The following FIGNL2 variants were observed in gnomAD, a reference collection of about 807,000 sequenced individuals.
The protein encoded by FIGNL2 is fidgetin like 2, also known as fidgetin-like protein 2.
For missense variants in FIGNL2, 1,060 were observed against 950.2 expected (o/e 1.12, Z -1.52); for synonymous variants, 565 against 484.0 (o/e 1.17, Z -2.20).
chr12:51,848,041 T>A, intron 1 of FIGNL2: 1 of 815,044 alleles, frequency 1.2e-6, no homozygotes, highest in Non-Finnish European at 1.5e-6. Context: ...CCCGTCACCA[T>A]GCTGGGGAAT....
rs1939163487 is a variant in FIGNL2, at chr12:51,820,949, G to A, written c.1465C>T (p.Leu489Phe). Residue 489 changes from leucine to phenylalanine, a missense_variant, in exon 2 of 2, where the codon CTC (leucine) becomes TTC (phenylalanine). Physicochemically the swap from Leu to Phe is conservative, Grantham distance 22. Coordinates refer to ENST00000618634, the MANE Select transcript of FIGNL2 (RefSeq NM_001384995.1). The stretch of plus-strand genomic sequence containing the variant: ...AGCAGCGCCTCTAGCTCGCTGATGA[G>A]GAGTACGGAGGGTGGGCGGCAGCGC... ...AARCRPPSVL[L>F]ISELEALLPA... The A allele has an allele frequency of 1.6e-6, 2 of 1,268,908 alleles. No homozygotes were observed. Among genetic ancestry groups the A allele is most frequent in the Non-Finnish European group, 2.0e-6 (2 of 1,012,966 alleles). 78.6% of individuals were successfully genotyped at this position (1,268,908 alleles called of 1,614,324 possible). A position where few individuals can be genotyped will look rare whatever the true frequency, so the allele number is the denominator to read the frequency against.
chr12:51,821,880 C>T lies in FIGNL2; in HGVS notation c.534G>A (p.Ala178=), dbSNP rs1939213803. The T allele has an allele frequency of 1.5e-6, 2 of 1,346,950 alleles. No homozygotes were observed. Among genetic ancestry groups the T allele is most frequent in the Non-Finnish European group, 9.5e-7 (1 of 1,052,934 alleles). The allele number at this position is 1,346,950 out of a possible 1,614,324, so 83.4% of individuals were successfully genotyped here. The change falls in exon 2 of 2, where the codon GCG becomes GCA. Residue 178 remains alanine, a synonymous_variant. Transcript: ENST00000618634. ...GCGCGGCCGGGGGCGGCGGGGGCAG[C>T]GCGGCGCCCGTCTGCGCGCAGTAAC... ...APGYCAQTGA[A]LPPPPPAALL... is the part of the protein sequence containing the mutation.
chr12:51,820,550 C>G lies in FIGNL2; in HGVS notation c.1864G>C (p.Asp622His), dbSNP rs1474397019. ...PGLQRPLSYK[D>H]LEAALAKVGP... Reference sequence around the variant, plus strand: ...ACCTTGGCCAGCGCCGCCTCCAGGTCCTTGTAGGAGAGGGGGCGCTGCAGC... The same window carrying G: ...ACCTTGGCCAGCGCCGCCTCCAGGTGCTTGTAGGAGAGGGGGCGCTGCAGC... The change falls in exon 2 of 2, where the codon GAC (aspartate) becomes CAC (histidine). Residue 622 changes from aspartate (D) to histidine (H), a missense_variant. Asp to His is a moderately conservative substitution (Grantham distance 81, BLOSUM62 -1). Transcript: ENST00000618634. The G allele has an allele frequency of 6.5e-7, 1 of 1,542,406 alleles. No individual in the cohort carries two copies. Among genetic ancestry groups the G allele is most frequent in the Non-Finnish European group, 8.7e-7 (1 of 1,151,168 alleles).
At position 51,820,438 on chromosome 12, in the gene FIGNL2, T is replaced by C; in HGVS notation, c.*14A>G. On this transcript the variant is annotated 3_prime_UTR_variant, in exon 2 of 2. Transcript: ENST00000618634. ...CGGAGGGACTGCGGCTCCCGCGGCC[T>C]CCCCCGCGCGCCGTCAGTGTCCGGA... 6.3e-7 allele frequency: 1 copy of C among 1,580,754 alleles called. No homozygotes were observed.
At chr12:51,834,163 G>GC (rs1939540258) in intron 1 of FIGNL2, among the ~76,000 whole-genome samples, 1 of 123,790 alleles carries the variant, frequency 8.1e-6, no homozygotes, top group Non-Finnish European at 1.8e-5. Context: ...GCTTGAAATG[G>GC]CCTCTGTGTC....
intron 1 of FIGNL2, among the ~76,000 whole-genome samples, chr12:51,836,893 T>A (rs1939586716): frequency 6.6e-6 from 1 of 152,066 alleles, no homozygotes; most frequent in Admixed American, 6.5e-5. Context: ...CAGGCGCACA[T>A]GCCGGTGGGT....
Position 51,820,976 on chromosome 12 carries a change from C to T in FIGNL2, c.1438G>A (p.Ala480Thr), listed in dbSNP as rs1939164617. The T allele has an allele frequency of 8.2e-7, 1 of 1,217,170 alleles. No homozygotes were observed. Among genetic ancestry groups the T allele is most frequent in the South Asian group, 3.8e-5 (1 of 26,186 alleles). 75.4% of individuals were successfully genotyped at this position (1,217,170 alleles called of 1,614,324 possible). The change falls in exon 2 of 2, where the codon GCG becomes ACG. Residue 480 changes from alanine to threonine, a missense_variant. Transcript: ENST00000618634. ...AGTACGGAGGGTGGGCGGCAGCGCG[C>T]GGCCGCGAAGGCGGCCTGGAGGAGG... The part of the protein sequence containing the change: ...ARLLQAAFAA[A>T]RCRPPSVLLI...
intron 1 of FIGNL2, among the ~76,000 whole-genome samples, chr12:51,836,070 CA>C (rs1939573891): frequency 6.6e-6 from 1 of 152,140 alleles, no homozygotes; most frequent in Admixed American, 6.6e-5. Flanking sequence ...CTCAGCCTCC[CA>C]AAGCGCTGGG....
At position 51,821,428 on chromosome 12, in the gene FIGNL2, G is replaced by C. The variant is rs770601764; in HGVS notation, c.986C>G (p.Pro329Arg). ...EASGKYGGGV[P>R]LKVLGSPVYG... is the part of the protein sequence containing the mutation. ...GACGGGGGAGCCCAGGACCTTGAGG[G>C]GGACGCCGCCACCGTACTTGCCCGA... The change falls in exon 2 of 2, where the codon CCC becomes CGC. Residue 329 changes from proline to arginine, a missense_variant. Pro to Arg is a moderately radical substitution (Grantham distance 103). Coordinates refer to ENST00000618634, the MANE Select transcript of FIGNL2 (RefSeq NM_001384995.1). 3 of 1,538,556 alleles carry C rather than the reference G, an allele frequency of 1.9e-6. No homozygotes were observed. The South Asian group carries it at 3.6e-5, about 19-fold the overall frequency.
chr12:51,844,191 C>T (rs995500978), intron 1 of FIGNL2, among the ~76,000 whole-genome samples: 4 of 152,134 alleles, frequency 2.6e-5, no homozygotes, highest in African/African-American at 9.7e-5. Context: ...GGAGTTACAT[C>T]TGATTAGCAG....
intron 1 of FIGNL2, among the ~76,000 whole-genome samples, chr12:51,829,335 G>A (rs1939407820): frequency 6.6e-6 from 1 of 152,152 alleles, no homozygotes; most frequent in Admixed American, 6.5e-5. Context: ...ACAGGACTGT[G>A]CCCCCTCCTC....
chr12:51,836,943 C>T (rs1351805875), intron 1 of FIGNL2, among the ~76,000 whole-genome samples: 1 of 152,138 alleles, frequency 6.6e-6, no homozygotes, highest in Non-Finnish European at 1.5e-5. Context: ...CTGCCAGAAA[C>T]CCCCCTCCTG....
intron 1 of FIGNL2, among the ~76,000 whole-genome samples, chr12:51,825,326 A>G (rs1255127957): frequency 2.0e-5 from 3 of 152,082 alleles, no homozygotes; most frequent in East Asian, 1.9e-4. Flanking sequence ...GCCAGCCCCT[A>G]TGCTCCTAAA....
At position 51,821,420 on chromosome 12, in the gene FIGNL2, C is replaced by T. The variant is rs748603797; in HGVS notation, c.994G>A (p.Val332Ile). The T allele has an allele frequency of 1.5e-5, 23 of 1,538,490 alleles. No individual in the cohort carries two copies. In the African/African-American group the frequency reaches 3.1e-4, roughly 21 times the overall value. Residue 332 changes from valine to isoleucine, a missense_variant, in exon 2 of 2, where the codon GTC becomes ATC. Physicochemically the swap from Val to Ile is conservative, Grantham distance 29. Transcript: ENST00000618634. Reference sequence around the variant, plus strand: ...GGGCCGTAGACGGGGGAGCCCAGGACCTTGAGGGGGACGCCGCCACCGTAC... The same window carrying T: ...GGGCCGTAGACGGGGGAGCCCAGGATCTTGAGGGGGACGCCGCCACCGTAC... The part of the protein sequence containing the change: ...GKYGGGVPLK[V>I]LGSPVYGPQL...
rs76949570 is a variant in FIGNL2, at chr12:51,835,647, A to T, written c.-12+12893T>A. Among the ~76,000 whole-genome samples, 665 of 152,268 alleles carry T rather than the reference A, an allele frequency of 4.4e-3. 5 individuals carry two copies. The highest frequency in any genetic ancestry group is 0.015 in the African/African-American group (637 of 41,500). Reference sequence around the variant, plus strand: ...GTACTAGCCACATTCCATATGTTCAACAACCGTATGTGGAAGTGGCCACTG... The same window carrying T: ...GTACTAGCCACATTCCATATGTTCATCAACCGTATGTGGAAGTGGCCACTG... On this transcript the variant is annotated intron_variant, in intron 1 of 1. Coordinates refer to ENST00000618634, the MANE Select transcript of FIGNL2 (RefSeq NM_001384995.1).
chr12:51,846,139 GGTGTCAAGCCCT>G (rs1297501858), intron 1 of FIGNL2, among the ~76,000 whole-genome samples: 1 of 152,236 alleles, frequency 6.6e-6, no homozygotes, highest in African/African-American at 2.4e-5. Flanking sequence ...GCACCCACAA[GGTGTCAAGCCCT>G]GTGGCAAGCC....
intron 1 of FIGNL2, among the ~76,000 whole-genome samples, chr12:51,834,067 A>AGACAAATGGATGGATGGATGGATGGATG (rs1398275975): frequency 7.2e-6 from 1 of 139,046 alleles, no homozygotes; most frequent in Non-Finnish European, 1.6e-5. Context: ...ACAGATGGAC[A>AGACAAATGGATGGATGGATGGATGGATG]GATGGATGAA....
intron 1 of FIGNL2, chr12:51,825,905 C>G (rs192479289): frequency 6.6e-6 from 1 of 152,226 alleles, no homozygotes; most frequent in African/African-American, 2.4e-5. Context: ...CGTGAGCCAC[C>G]GCGCCCGGCC....
At chr12:51,839,192 G>A (rs190881050) in intron 1 of FIGNL2, among the ~76,000 whole-genome samples, 4 of 151,316 alleles carry the variant, frequency 2.6e-5, no homozygotes, top group African/African-American at 9.7e-5. Flanking sequence ...CACTGTCCCC[G>A]GGAATCTTAA....
Sources: gnomAD v4.1 joint callset for allele counts (sites outside exome capture counted in the v4.1 genomes callset) on GRCh38, gnomAD v4.1.1 for gene constraint, MANE v1.5 for transcripts, NCBI Gene and HGNC (gene_info 2026-07-23, HGNC 2026-07-21) for gene names.